Variants in PECR observed in about 807,000 individuals in gnomAD.
PECR encodes the protein 2,4-dienoyl-CoA reductase-related protein.
Under a neutral mutation model 35.3 loss-of-function variants are expected in PECR, and 30 were observed. The ratio of observed to expected loss-of-function variants is 0.85; its 90% CI spans 0.64 to 1.15. The LOEUF (loss-of-function observed/expected upper bound fraction) is 1.15, where lower values mean the gene tolerates loss of function less well. PECR is among the 50% of genes most tolerant of loss of function. The probability of loss-of-function intolerance (pLI) is 0.00; values close to 1 mark genes in which losing one functional copy is unlikely to be tolerated. For synonymous variants in PECR, 148 were observed against 138.9 expected, an observed-to-expected ratio of 1.07 and a Z score of -0.46; for missense variants, 392 against 370.8, an observed-to-expected ratio of 1.06 and a Z score of -0.47.
At chr2:216,052,567 G>A (rs193148845) in intron 4 of PECR, among the ~76,000 whole-genome samples, 4 of 152,240 alleles carry the variant, frequency 2.6e-5, no homozygotes, top group East Asian at 1.9e-4. Flanking sequence ...AACTTGCATT[G>A]GTGCTGATGA....
At chr2:216,040,152 T>C (rs1292445177) in intron 7 of PECR, among the ~76,000 whole-genome samples, 1 of 152,188 alleles carries the variant, frequency 6.6e-6, no homozygotes, top group Non-Finnish European at 1.5e-5. Context: ...ATCAGTGAGC[T>C]ACTAAGTCAA....
At chr2:216,056,866 A>G (rs1695236744) in intron 4 of PECR, among the ~76,000 whole-genome samples, 1 of 152,094 alleles carries the variant, frequency 6.6e-6, no homozygotes, top group Admixed American at 6.6e-5. Flanking sequence ...ATTTCTTACT[A>G]TGAGTCATGG....
chr2:216,029,781 G>A (rs950431307), intron 7 of PECR, among the ~76,000 whole-genome samples: 8 of 152,318 alleles, frequency 5.3e-5, no homozygotes, highest in Admixed American at 2.6e-4. Flanking sequence ...GCAAATCAAA[G>A]TTTTAGATTT....
rs62001894 is a variant in PECR, at chr2:216,051,484, C to G, written c.568G>C (p.Ala190Pro). Residue 190 changes from alanine to proline, a missense_variant, in exon 5 of 8, where the codon GCC becomes CCC. Ala to Pro is a conservative substitution (Grantham distance 27). Transcript: ENST00000265322. ...CAATTGATCCGTATTCCACTGCAGG[C>G]CCATTCCAAAGCTAAAGATTTGGTG... ...NLTKSLALEW[A>P]CSGIRINCVA... The G allele has an allele frequency of 4.9e-5, 79 of 1,612,260 alleles. No homozygotes were observed. The African/African-American group carries it at 7.2e-4, about 15-fold the overall frequency.
chr2:216,052,024 T>C (rs940196969), intron 4 of PECR, among the ~76,000 whole-genome samples: 3 of 152,066 alleles, frequency 2.0e-5, no homozygotes, highest in African/African-American at 7.2e-5. Flanking sequence ...CCATCTCTAC[T>C]AAAAATACAA....
In PECR at chr2:216,079,371, C is replaced by CT. The variant is rs781386180; in HGVS notation, c.124+2246dup. Among the ~76,000 whole-genome samples, 581 of 142,572 alleles carry CT rather than the reference C, an allele frequency of 4.1e-3. 3 individuals are homozygous for CT. Among genetic ancestry groups the CT allele is most frequent in the South Asian group, 6.0e-3 (27 of 4,490 alleles). The allele number at this position is 142,572 out of a possible 152,430, so 93.5% of individuals were successfully genotyped here. ...CCAGTCCATTTTTGCATATGTAATA[C>CT]TTTTTTTTTTTTTTGATACTGAGTC... On this transcript the variant is annotated intron_variant, in intron 1 of 7. Coordinates refer to ENST00000265322, the MANE Select transcript of PECR (RefSeq NM_018441.6).
chr2:216,039,541 T>G (rs1044045975), intron 7 of PECR, among the ~76,000 whole-genome samples, 181 bp from the exon 8 acceptor site: 8 of 152,356 alleles, frequency 5.3e-5, no homozygotes, highest in Middle Eastern at 6.8e-3. Flanking sequence ...ACACGTTAGC[T>G]TTCCTGAATT....
intron 4 of PECR, among the ~76,000 whole-genome samples, chr2:216,053,879 T>TA (rs1194383069): frequency 7.2e-5 from 11 of 152,230 alleles, no homozygotes; most frequent in Admixed American, 2.0e-4. Context: ...AAAATATATA[T>TA]TTTTTTAATC....
chr2:216,071,487 G>C (rs566029839), intron 1 of PECR, among the ~76,000 whole-genome samples: 6 of 152,260 alleles, frequency 3.9e-5, no homozygotes, highest in African/African-American at 1.4e-4. Flanking sequence ...TACTGTACAG[G>C]TGAGTCCATT....
At chr2:216,074,079 T>G (rs1230983087) in intron 1 of PECR, among the ~76,000 whole-genome samples, 1 of 152,224 alleles carries the variant, frequency 6.6e-6, no homozygotes, top group Non-Finnish European at 1.5e-5. Context: ...CTTTGATATT[T>G]CTGCCTTCAA....
chr2:216,069,238 A>C (rs1695537404), intron 1 of PECR, among the ~76,000 whole-genome samples: 1 of 152,240 alleles, frequency 6.6e-6, no homozygotes, highest in South Asian at 2.1e-4. Context: ...AAGATCAGTG[A>C]TTAATCATGT....
At chr2:216,044,682 T>A (rs1694958337) in intron 6 of PECR, among the ~76,000 whole-genome samples, 1 of 151,760 alleles carries the variant, frequency 6.6e-6, no homozygotes, top group Admixed American at 6.6e-5. Context: ...GGTGGCAGAG[T>A]GAGACTCCAT....
intron 7 of PECR, among the ~76,000 whole-genome samples, chr2:216,041,793 C>A (rs1463610764): frequency 6.6e-6 from 1 of 152,124 alleles, no homozygotes; most frequent in African/African-American, 2.4e-5. Context: ...ATCAACCATG[C>A]CTATGTAATG....
chr2:216,045,875 C>T (rs754240393), intron 6 of PECR, among the ~76,000 whole-genome samples: 1 of 152,192 alleles, frequency 6.6e-6, no homozygotes, highest in African/African-American at 2.4e-5. Flanking sequence ...AAACCACACT[C>T]CCTCAAAAAC....
intron 1 of PECR, among the ~76,000 whole-genome samples, chr2:216,067,085 G>C (rs1246509921): frequency 6.6e-6 from 1 of 151,802 alleles, no homozygotes. Context: ...CCTGGAGAAA[G>C]GTTCTACACT....
downstream of PECR, among the ~76,000 whole-genome samples, chr2:216,034,803 C>T (rs1022197577): frequency 6.6e-6 from 1 of 152,172 alleles, no homozygotes; most frequent in Non-Finnish European, 1.5e-5. Flanking sequence ...CCCCAGAATG[C>T]AATCCTCATG....
downstream of PECR, among the ~76,000 whole-genome samples, chr2:216,033,505 G>C (rs1559204527): frequency 6.6e-6 from 1 of 152,024 alleles, no homozygotes; most frequent in Non-Finnish European, 1.5e-5. Context: ...TGGCAGAAAA[G>C]GGCAAAATAA....
At chr2:216,048,953 G>C (rs1221115088) in intron 6 of PECR, among the ~76,000 whole-genome samples, 1 of 150,420 alleles carries the variant, frequency 6.6e-6, no homozygotes, top group Admixed American at 6.7e-5. Flanking sequence ...GGCCATAGTT[G>C]TCTAATTTGC....
At chr2:216,044,992 G>A (rs1010992005) in intron 6 of PECR, among the ~76,000 whole-genome samples, 1 of 152,184 alleles carries the variant, frequency 6.6e-6, no homozygotes, top group African/African-American at 2.4e-5. Flanking sequence ...TGGGGTCCCA[G>A]AATCTGCAGT....
Sources: allele counts gnomAD v4.1 joint callset (sites outside exome capture counted in the v4.1 genomes callset), GRCh38; gene constraint gnomAD v4.1.1; transcripts MANE v1.5; gene names NCBI Gene and HGNC (gene_info 2026-07-23, HGNC 2026-07-21).